MDGA2: variants seen among roughly 807,000 people sequenced by gnomAD.
MDGA2 encodes MAM domain containing glycosylphosphatidylinositol anchor 2, also known as MAM domain-containing glycosylphosphatidylinositol anchor protein 2.
In MDGA2, 40 loss-of-function variants were observed where a neutral mutation model predicts 117.8. The ratio of observed to expected loss-of-function variants is 0.34; its 90% CI spans 0.26 to 0.44. MDGA2 has a LOEUF of 0.44. Ranked by LOEUF, MDGA2 falls within the 20% of genes least tolerant of loss-of-function variation. The pLI is 1.00. For missense variants in MDGA2, 1,123 were observed against 1,250.6 expected, an observed-to-expected ratio of 0.90 and a Z score of 1.54; for synonymous variants, 452 against 439.0, an observed-to-expected ratio of 1.03 and a Z score of -0.37.
At chr14:47,331,723 A>G (rs755825326) in intron 1 of MDGA2, among the ~76,000 whole-genome samples, 6 of 151,950 alleles carry the variant, frequency 3.9e-5, no homozygotes, top group Non-Finnish European at 7.4e-5. Context: ...AGATTATATA[A>G]TAGGATTAAT....
At chr14:47,235,644 A>G (rs1439154495) in intron 2 of MDGA2, among the ~76,000 whole-genome samples, 1 of 152,240 alleles carries the variant, frequency 6.6e-6, no homozygotes, top group Non-Finnish European at 1.5e-5. Context: ...ATCTTGTGGC[A>G]AGGAAAAATG....
chr14:47,037,933 T>C (rs1416167454), intron 7 of MDGA2, among the ~76,000 whole-genome samples: 1 of 152,178 alleles, frequency 6.6e-6, no homozygotes, highest in Non-Finnish European at 1.5e-5. Flanking sequence ...TACCTTTTGT[T>C]GATGTTGTTG....
intron 2 of MDGA2, among the ~76,000 whole-genome samples, chr14:47,286,160 G>A (rs1351735713): frequency 6.6e-6 from 1 of 152,044 alleles, no homozygotes; most frequent in Non-Finnish European, 1.5e-5. Flanking sequence ...CAAGCATACA[G>A]TATGTAATAA....
intron 1 of MDGA2, among the ~76,000 whole-genome samples, chr14:47,303,967 T>C (rs1889363334): frequency 6.6e-6 from 1 of 152,138 alleles, no homozygotes; most frequent in African/African-American, 2.4e-5. Context: ...CAAGGGTTAA[T>C]TTTCTGCTAT....
chr14:47,100,496 C>G (rs954138063), intron 5 of MDGA2, among the ~76,000 whole-genome samples: 2 of 152,074 alleles, frequency 1.3e-5, no homozygotes, highest in African/African-American at 4.8e-5. Flanking sequence ...CATAAATTCC[C>G]TTATTACCAT....
chr14:46,856,738 C>T (rs1881282333), intron 14 of MDGA2, among the ~76,000 whole-genome samples: 1 of 151,822 alleles, frequency 6.6e-6, no homozygotes, highest in African/African-American at 2.4e-5. Context: ...GTTTTTCCTT[C>T]TCCCTCTCTC....
chr14:47,371,958 T>C (rs1414443638), intron 1 of MDGA2, among the ~76,000 whole-genome samples: 2 of 151,764 alleles, frequency 1.3e-5, no homozygotes, highest in Non-Finnish European at 3.0e-5. Context: ...TTTTGAAATA[T>C]GTTTACAAAA....
intron 1 of MDGA2, among the ~76,000 whole-genome samples, chr14:47,498,569 G>A (rs144595342): frequency 3.7e-4 from 56 of 152,150 alleles, no homozygotes; most frequent in Non-Finnish European, 7.2e-4. Context: ...ATACTTTTGA[G>A]TGAACACACG....
intron 1 of MDGA2, among the ~76,000 whole-genome samples, chr14:47,364,440 AT>A: frequency 6.6e-6 from 1 of 151,940 alleles, no homozygotes; most frequent in South Asian, 2.1e-4. Context: ...AATTTTTTGT[AT>A]TTTTAGTAGA....
rs1892213676 is a variant in MDGA2, at chr14:47,404,192, T to G, written c.281-102642A>C. On this transcript the variant is annotated intron_variant, in intron 1 of 16. Transcript: ENST00000399232. Reference sequence around the variant, plus strand: ...GAAATTTATTCTATAATACCAACCTTTTTTTTTTTTTAAGACAGGGTCTCG... The same window carrying G: ...GAAATTTATTCTATAATACCAACCTGTTTTTTTTTTTAAGACAGGGTCTCG... Among the ~76,000 whole-genome samples, 4 of 36,152 alleles carry G rather than the reference T, an allele frequency of 1.1e-4. No individual in the cohort carries two copies. The South Asian group carries it at 2.6e-3, about 23-fold the overall frequency. The allele number at this position is 36,152 out of a possible 152,430, so 23.7% of individuals were successfully genotyped here. A position where few individuals can be genotyped will look rare whatever the true frequency, so the allele number is the denominator to read the frequency against.
chr14:47,176,455 A>G (rs1466087536), intron 3 of MDGA2, among the ~76,000 whole-genome samples: 3 of 152,182 alleles, frequency 2.0e-5, no homozygotes, highest in South Asian at 2.1e-4. Context: ...AAACAGATAT[A>G]TAGATCAATG....
At chr14:47,200,534 CTT>C (rs10639284) in intron 3 of MDGA2, 1,592 of 418,562 alleles carry the variant, frequency 3.8e-3, no homozygotes, top group Middle Eastern at 7.3e-3. Flanking sequence ...TTTTTCTTTT[CTT>C]TTTTTTTTTT....
intron 1 of MDGA2, among the ~76,000 whole-genome samples, chr14:47,616,384 T>C (rs1253077839): frequency 6.6e-6 from 1 of 152,220 alleles, no homozygotes; most frequent in Non-Finnish European, 1.5e-5. Flanking sequence ...ATTATTGTTC[T>C]AGGTATTGGG....
chr14:47,456,422 A>G (rs973001269), intron 1 of MDGA2, among the ~76,000 whole-genome samples: 9 of 150,534 alleles, frequency 6.0e-5, no homozygotes, highest in Non-Finnish European at 1.2e-4. Context: ...CCTCCTAAGT[A>G]GCTGGGATTA....
intron 6 of MDGA2, among the ~76,000 whole-genome samples, chr14:47,077,590 C>A (rs965923734): frequency 1.3e-5 from 2 of 151,400 alleles, no homozygotes; most frequent in Non-Finnish European, 2.9e-5. Flanking sequence ...TAGCCATGTT[C>A]TAAGAACATT....
At chr14:47,062,024 C>A (rs1343583888) in intron 6 of MDGA2, among the ~76,000 whole-genome samples, 1 of 152,046 alleles carries the variant, frequency 6.6e-6, no homozygotes, top group East Asian at 1.9e-4. Context: ...AAATATTACA[C>A]AAAGGACATA....
chr14:47,661,834 C>T (rs1594969103), intron 1 of MDGA2, among the ~76,000 whole-genome samples: 1 of 133,020 alleles, frequency 7.5e-6, no homozygotes, highest in South Asian at 2.7e-4. Context: ...CTCTCAGGTT[C>T]AAGGGATTCT....
intron 3 of MDGA2, among the ~76,000 whole-genome samples, chr14:47,176,923 A>G (rs1481726225): frequency 1.3e-5 from 2 of 152,240 alleles, no homozygotes; most frequent in Non-Finnish European, 1.5e-5. Flanking sequence ...GCTAATGTCC[A>G]GAATCTACAA....
At chr14:47,187,917 T>TTTTGTGTG (rs372357998) in intron 3 of MDGA2, among the ~76,000 whole-genome samples, 3 of 148,668 alleles carry the variant, frequency 2.0e-5, no homozygotes, top group African/African-American at 7.4e-5. Flanking sequence ...TTAAAGTAGG[T>TTTTGTGTG]TGTGTGTGTG....
Sources: allele counts gnomAD v4.1 joint callset (sites outside exome capture counted in the v4.1 genomes callset), GRCh38; gene constraint gnomAD v4.1.1; transcripts MANE v1.5; gene names NCBI Gene and HGNC (gene_info 2026-07-23, HGNC 2026-07-21).